The following HSD17B4 variants were observed in gnomAD, a reference collection of about 807,000 sequenced individuals.
HSD17B4 encodes peroxisomal multifunctional enzyme type 2.
Under a neutral mutation model 101.0 loss-of-function variants are expected in HSD17B4, and 70 were observed. That is an observed-to-expected ratio of 0.69 (90% confidence interval 0.57 to 0.85). The LOEUF is 0.85. HSD17B4 is among the 40% of genes least tolerant of loss of function. HSD17B4 has a pLI of 0.00. For missense variants in HSD17B4, 984 were observed against 892.4 expected (o/e 1.10, Z -1.31); for synonymous variants, 347 against 297.1 (o/e 1.17, Z -1.73).
At chr5:119,497,903 A>G (rs965442019) in intron 12 of HSD17B4, among the ~76,000 whole-genome samples, 1 of 152,156 alleles carries the variant, frequency 6.6e-6, no homozygotes, top group African/African-American at 2.4e-5. Context: ...CTACTTTAGT[A>G]ACATTTTCTG....
At chr5:119,526,531 C>G (rs1287045379) in intron 19 of HSD17B4, among the ~76,000 whole-genome samples, 2 of 151,514 alleles carry the variant, frequency 1.3e-5, no homozygotes, top group African/African-American at 2.4e-5. Flanking sequence ...TATGTTTAAG[C>G]CAAAAGATGT....
chr5:119,517,340 C>T (rs537730861), intron 17 of HSD17B4, among the ~76,000 whole-genome samples: 4 of 152,330 alleles, frequency 2.6e-5, no homozygotes, highest in East Asian at 1.9e-4. Flanking sequence ...GCTGCCTTCC[C>T]GCAGGGCAGG....
chr5:119,458,113 A>G (rs1202766602), intron 2 of HSD17B4, among the ~76,000 whole-genome samples: 1 of 152,228 alleles, frequency 6.6e-6, no homozygotes, highest in African/African-American at 2.4e-5. Flanking sequence ...AGTAGAGATG[A>G]TAATTGTGTC....
rs1285198235 is a variant in HSD17B4 at position 119,511,000 on chromosome 5, G to T, written c.1437+1756G>T. Among the ~76,000 whole-genome samples, 3 of 152,176 alleles carry T rather than the reference G, an allele frequency of 2.0e-5. No individual in the cohort carries two copies. In the East Asian group the frequency reaches 5.8e-4, roughly 29 times the overall value. ...CCTGTGGCAGGTTGAGAATACTGGG[G>T]CCCTGATTGCACTTGCCCTAGCTTT... is the stretch of plus-strand genomic sequence containing the variant. On this transcript the variant is annotated intron_variant, in intron 16 of 23. Coordinates refer to ENST00000510025, the MANE Select transcript of HSD17B4 (RefSeq NM_000414.4).
At chr5:119,518,254 C>A (rs893585991) in intron 17 of HSD17B4, among the ~76,000 whole-genome samples, 20 of 152,044 alleles carry the variant, frequency 1.3e-4, no homozygotes, top group African/African-American at 4.8e-4. Flanking sequence ...AGACGTGCTG[C>A]CTTAAGAGCT....
chr5:119,487,062 A>G (rs1274369734), intron 8 of HSD17B4, among the ~76,000 whole-genome samples: 6 of 152,088 alleles, frequency 3.9e-5, no homozygotes, highest in Non-Finnish European at 8.8e-5. Flanking sequence ...AGCATAGCCA[A>G]TTTTGTTCTG....
At chr5:119,494,571 G>C (rs1328192895) in intron 11 of HSD17B4, among the ~76,000 whole-genome samples, 1 of 152,002 alleles carries the variant, frequency 6.6e-6, no homozygotes, top group Non-Finnish European at 1.5e-5. Flanking sequence ...TCAAGCCCCA[G>C]ATGTTCAACA....
chr5:119,475,898 G>T (rs977688692), intron 6 of HSD17B4, 28 bp downstream of exon 6: 1 of 1,495,172 alleles, frequency 6.7e-7, no homozygotes, highest in South Asian at 1.1e-5. Context: ...TTTCTCTGGG[G>T]AACATACTTA....
At chr5:119,536,016 T>C in intron 22 of HSD17B4, 1 of 232,638 alleles carries the variant, frequency 4.3e-6, no homozygotes, top group Non-Finnish European at 8.5e-6. Flanking sequence ...AGAAGCTTAG[T>C]TATTAATAAA....
rs375005361 is a variant in HSD17B4 at position 119,530,618 on chromosome 5, T to C, written c.1854+638T>C. ...CTGTAATCCCAGCCCTTTGGGAGGC[T>C]GAAGTGGTTAGGTCACTTGAGGTCA... On this transcript the variant is annotated intron_variant, in intron 21 of 23. Transcript: ENST00000510025. Among the ~76,000 whole-genome samples, 57 of 151,384 alleles carry C rather than the reference T, an allele frequency of 3.8e-4. No homozygotes were observed. In the East Asian group the frequency reaches 9.7e-3, roughly 26 times the overall value.
chr5:119,487,416 T>C (rs1749708154), intron 8 of HSD17B4: 2 of 152,000 alleles, frequency 1.3e-5, no homozygotes, highest in African/African-American at 2.4e-5. Context: ...TAAACCTTTC[T>C]ATTTTTGATT....
At chr5:119,518,169 C>G (rs373596244) in intron 17 of HSD17B4, among the ~76,000 whole-genome samples, 3 of 152,168 alleles carry the variant, frequency 2.0e-5, no homozygotes, top group African/African-American at 7.2e-5. Flanking sequence ...CTACTGCTCA[C>G]TCTTTGGGTC....
At position 119,452,580 on chromosome 5, in the gene HSD17B4, G is replaced by A; in HGVS notation, c.5G>A (p.Gly2Asp). The A allele has an allele frequency of 6.2e-7, 1 of 1,614,030 alleles. No individual in the cohort carries two copies. Among genetic ancestry groups the A allele is most frequent in the Non-Finnish European group, 8.5e-7 (1 of 1,179,998 alleles). ...GTGTCGTTGCAGGCCTTATTCATGG[G>A]CTCACCGCTGAGGTTCGACGGGCGG... The part of the protein sequence containing the change: M[G>D]SPLRFDGRVV... The change falls in exon 1 of 24, where the codon GGC (glycine) becomes GAC (aspartate). Residue 2 changes from glycine to aspartate, a missense_variant. By Grantham distance (94) the Gly-to-Asp change is moderately conservative. Transcript: ENST00000510025.
chr5:119,492,829 C>T (rs1750235657), intron 10 of HSD17B4: 1 of 151,996 alleles, frequency 6.6e-6, no homozygotes, highest in Non-Finnish European at 1.5e-5. Flanking sequence ...TGCTTTATGG[C>T]ATTAAAAAAA....
At chr5:119,465,834 G>A (rs1415282575) in intron 2 of HSD17B4, among the ~76,000 whole-genome samples, 2 of 152,034 alleles carry the variant, frequency 1.3e-5, no homozygotes, top group Non-Finnish European at 2.9e-5. Context: ...TTGCCTAATT[G>A]TCCTGGCTAG....
At chr5:119,462,389 G>A (rs538247817) in intron 2 of HSD17B4, among the ~76,000 whole-genome samples, 5 of 144,396 alleles carry the variant, frequency 3.5e-5, no homozygotes, top group Admixed American at 7.4e-5. Flanking sequence ...AAATTTTGCC[G>A]TTTCTTATAG....
chr5:119,486,196 G>A lies in HSD17B4; in HGVS notation c.623-2996G>A, dbSNP rs542645007. Among the ~76,000 whole-genome samples the A allele has an allele frequency of 8.5e-5, 13 of 152,268 alleles. No homozygotes were observed. The South Asian group carries it at 2.3e-3, about 27-fold the overall frequency. ...GGGTCACCAAGACAGAAGCTGCAGTGTCTTTTATAACTTACTTCAGAAGAG... is the reference window on the plus strand; with the variant it reads ...GGGTCACCAAGACAGAAGCTGCAGTATCTTTTATAACTTACTTCAGAAGAG... On this transcript the variant is annotated intron_variant, in intron 8 of 23. Transcript: ENST00000510025.
intron 2 of HSD17B4, among the ~76,000 whole-genome samples, chr5:119,462,866 C>T (rs78745897): frequency 8.9e-4 from 135 of 152,240 alleles, no homozygotes; most frequent in African/African-American, 2.8e-3. Context: ...CATTCAAAAT[C>T]CTCTCTTCTA....
In HSD17B4 at chr5:119,536,486, C is replaced by T. The variant is rs780532444; in HGVS notation, c.2057C>T (p.Thr686Ile). The change falls in exon 23 of 24, where the codon ACA becomes ATA. Residue 686 changes from threonine to isoleucine, a missense_variant. Thr to Ile is a moderately conservative substitution (Grantham distance 89, BLOSUM62 -1). Coordinates refer to ENST00000510025, the MANE Select transcript of HSD17B4 (RefSeq NM_000414.4). ...GGCCCTGCAAAAGGTGCTGCTGATA[C>T]AACAATCATACTTTCAGATGAAGAT... ...YQGPAKGAAD[T>I]TIILSDEDFM... The T allele has an allele frequency of 6.2e-7, 1 of 1,611,946 alleles. No individual in the cohort carries two copies. Among genetic ancestry groups the T allele is most frequent in the African/African-American group, 1.3e-5 (1 of 74,966 alleles).
Sources: allele counts gnomAD v4.1 joint callset (sites outside exome capture counted in the v4.1 genomes callset), GRCh38; gene constraint gnomAD v4.1.1; transcripts MANE v1.5; gene names NCBI Gene and HGNC (gene_info 2026-07-23, HGNC 2026-07-21).